RBFOX1: variants seen among roughly 807,000 people sequenced by gnomAD.
RBFOX1 encodes RNA binding protein fox-1 homolog 1.
RBFOX1 carries 8 observed loss-of-function variants against 57.7 expected under a neutral mutation model. That is an observed-to-expected ratio of 0.14 (90% CI 0.08 to 0.25). The LOEUF is 0.25. Ranked by LOEUF, RBFOX1 falls within the 10% of genes least tolerant of loss-of-function variation. The pLI is 1.00. For missense variants in RBFOX1, 611 were observed against 548.5 expected (o/e 1.11, Z -1.14); for synonymous variants, 326 against 222.4 (o/e 1.47, Z -4.15).
rs1464905778 is a variant in RBFOX1, at chr16:5,908,195, TACATATAC to T, written c.351+40864_351+40871del. Among the ~76,000 whole-genome samples the T allele has an allele frequency of 7.2e-5, 9 of 124,806 alleles. No homozygotes were observed. The East Asian group carries it at 1.8e-3, about 24-fold the overall frequency. The allele number at this position is 124,806 out of a possible 152,430, so 81.9% of individuals were successfully genotyped here. A position where few individuals can be genotyped will look rare whatever the true frequency, so the allele number is the denominator to read the frequency against. On this transcript the variant is annotated intron_variant, in intron 4 of 19. Transcript: ENST00000641259. ...ATATATACACATATATACACATATATACATATACACACATATATATACATATATACACA... is the reference window on the plus strand; with the variant it reads ...ATATATACACATATATACACATATATACACATATATATACATATATACACA...
At chr16:6,357,404 C>T (rs61484509) in intron 2 of RBFOX1, among the ~76,000 whole-genome samples, 2,811 of 152,086 alleles carry the variant, frequency 0.018, 58 homozygotes, top group Admixed American at 0.052. Flanking sequence ...CCTTATTCCC[C>T]GGACTCCTCA....
At chr16:5,839,623 G>A (rs1236968146) in intron 3 of RBFOX1, among the ~76,000 whole-genome samples, 1 of 152,150 alleles carries the variant, frequency 6.6e-6, no homozygotes, top group Admixed American at 6.6e-5. Context: ...GGAGTCAGGT[G>A]GTTCCGGGAC....
At chr16:7,446,271 C>T (rs975338346) in intron 4 of RBFOX1, among the ~76,000 whole-genome samples, 4 of 152,176 alleles carry the variant, frequency 2.6e-5, no homozygotes, top group South Asian at 2.1e-4. Context: ...ATTTTAGTTC[C>T]TTCTATGATT....
At chr16:7,547,281 C>T (rs2075630674) in intron 5 of RBFOX1, among the ~76,000 whole-genome samples, 1 of 152,194 alleles carries the variant, frequency 6.6e-6, no homozygotes, top group Non-Finnish European at 1.5e-5. Flanking sequence ...GATGCATTAG[C>T]ACCTTTCGAT....
At chr16:7,038,693 A>G (rs1421549735) in intron 3 of RBFOX1, among the ~76,000 whole-genome samples, 1 of 152,056 alleles carries the variant, frequency 6.6e-6, no homozygotes, top group Non-Finnish European at 1.5e-5. Context: ...TGCAGAAAGC[A>G]GATGTGGGAG....
At chr16:6,633,339 A>G (rs11864205) in intron 2 of RBFOX1, among the ~76,000 whole-genome samples, 11,384 of 152,154 alleles carry the variant, frequency 0.075, 577 homozygotes, top group African/African-American at 0.14. Flanking sequence ...ATGCAGCGGC[A>G]CGATCTTGGC....
rs1297017229 is a variant in RBFOX1, at chr16:6,138,890, C to T, written c.-127+118898C>T. Among the ~76,000 whole-genome samples the T allele has an allele frequency of 3.9e-5, 6 of 152,116 alleles. No homozygotes were observed. The East Asian group carries it at 9.7e-4, about 25-fold the overall frequency. On this transcript the variant is annotated intron_variant, in intron 1 of 15. Transcript: ENST00000550418. The stretch of plus-strand genomic sequence containing the variant: ...TCAAATAAATAAATACGTAAAAGAG[C>T]AGCATCCAATCACCTTCGCTATATT...
At chr16:5,442,083 C>T (rs546863017) in intron 1 of RBFOX1, among the ~76,000 whole-genome samples, 2 of 152,040 alleles carry the variant, frequency 1.3e-5, no homozygotes, top group African/African-American at 4.8e-5. Context: ...GGGAGTTTTG[C>T]TAGAAGTAGG....
intron 1 of RBFOX1, among the ~76,000 whole-genome samples, chr16:5,464,342 G>T (rs1262354372): frequency 1.3e-5 from 2 of 152,254 alleles, no homozygotes; most frequent in Admixed American, 1.3e-4. Flanking sequence ...AGGGCAAAGG[G>T]CAGACCCTAC....
intron 4 of RBFOX1, chr16:7,510,451 A>G: frequency 2.9e-6 from 2 of 681,334 alleles, no homozygotes; most frequent in Non-Finnish European, 1.8e-6. Context: ...AAAGGAGAGG[A>G]GTTTTGGTGA....
chr16:6,178,734 C>G (rs2097035685), intron 1 of RBFOX1, among the ~76,000 whole-genome samples: 1 of 152,088 alleles, frequency 6.6e-6, no homozygotes, highest in Non-Finnish European at 1.5e-5. Context: ...ATTTATGTAG[C>G]TAGTTGTCAT....
intron 4 of RBFOX1, among the ~76,000 whole-genome samples, chr16:7,106,863 C>T (rs916860836): frequency 9.2e-5 from 14 of 152,072 alleles, no homozygotes; most frequent in Admixed American, 9.2e-4. Context: ...TTAATTAATT[C>T]ATGAAACAAG....
At chr16:5,404,361 C>T (rs1269518979) in intron 1 of RBFOX1, among the ~76,000 whole-genome samples, 1 of 152,108 alleles carries the variant, frequency 6.6e-6, no homozygotes, top group Admixed American at 6.5e-5. Context: ...GGAGTCCCTC[C>T]AAATGATGAA....
At position 6,077,249 on chromosome 16, in the gene RBFOX1, TG is replaced by T. The variant is rs545951133; in HGVS notation, c.-127+57259del. Among the ~76,000 whole-genome samples, 198 of 152,294 alleles carry T rather than the reference TG, an allele frequency of 1.3e-3. 1 individual carries two copies. The highest frequency in any genetic ancestry group is 4.5e-3 in the African/African-American group (186 of 41,562). Reference sequence around the variant, plus strand: ...ACATTTCAGAGATGGGCAGACACCATGGCATTGCAGTTGACATGGCAGCTTG... The same window carrying T: ...ACATTTCAGAGATGGGCAGACACCATGCATTGCAGTTGACATGGCAGCTTG... On this transcript the variant is annotated intron_variant, in intron 1 of 15. Coordinates refer to ENST00000550418, the MANE Select transcript of RBFOX1 (RefSeq NM_018723.4).
intron 2 of RBFOX1, among the ~76,000 whole-genome samples, chr16:6,471,579 G>GAA (rs33941933): frequency 1.4e-4 from 20 of 140,006 alleles, no homozygotes; most frequent in African/African-American, 5.0e-4. Flanking sequence ...CTTATAATTG[G>GAA]AAAAAAAAAA....
At position 6,442,444 on chromosome 16, in the gene RBFOX1, C is replaced by A. The variant is rs573904570; in HGVS notation, c.-64+125387C>A. Among the ~76,000 whole-genome samples, 32 of 152,098 alleles carry A rather than the reference C, an allele frequency of 2.1e-4. No individual in the cohort carries two copies. In the South Asian group the frequency reaches 5.6e-3, roughly 27 times the overall value. Reference sequence around the variant, plus strand: ...TGGTGGCACGCGCCTGTAATCCCAGCTACTCAGGAGGCTGAGGCAGGAGAA... The same window carrying A: ...TGGTGGCACGCGCCTGTAATCCCAGATACTCAGGAGGCTGAGGCAGGAGAA... On this transcript the variant is annotated intron_variant, in intron 2 of 15. Transcript: ENST00000550418.
intron 4 of RBFOX1, among the ~76,000 whole-genome samples, chr16:7,343,118 C>A (rs944016977): frequency 6.6e-6 from 1 of 152,078 alleles, no homozygotes; most frequent in Non-Finnish European, 1.5e-5. Flanking sequence ...CCACCCACAC[C>A]CCTGTTCCAT....
At chr16:6,252,397 A>G (rs1476463518) in intron 1 of RBFOX1, among the ~76,000 whole-genome samples, 2 of 152,196 alleles carry the variant, frequency 1.3e-5, no homozygotes. Context: ...AAATTCAATT[A>G]AAAACAAAAC....
intron 4 of RBFOX1, among the ~76,000 whole-genome samples, chr16:7,385,259 A>G (rs1324678676): frequency 6.6e-6 from 1 of 152,236 alleles, no homozygotes; most frequent in African/African-American, 2.4e-5. Context: ...AGTGGGGCCC[A>G]GGAGAAGAAG....
Sources: allele counts gnomAD v4.1 joint callset (sites outside exome capture counted in the v4.1 genomes callset), GRCh38; gene constraint gnomAD v4.1.1; transcripts MANE v1.5; gene names NCBI Gene and HGNC (gene_info 2026-07-23, HGNC 2026-07-21).